Variants in SCAI observed in about 807,000 individuals in gnomAD.
SCAI encodes protein SCAI.
In SCAI, 24 loss-of-function variants were observed where a neutral mutation model predicts 92.2. The observed-to-expected ratio is 0.26, with a 90% CI of 0.19 to 0.37. The LOEUF is 0.37. Ranked by LOEUF, SCAI falls within the 10% of genes least tolerant of loss-of-function variation. The pLI is 1.00. For missense variants in SCAI, 450 were observed against 736.2 expected (o/e 0.61, Z 4.50); for synonymous variants, 261 against 258.6 (o/e 1.01, Z -0.09).
At chr9:124,991,790 T>A (rs921671205) in intron 14 of SCAI, among the ~76,000 whole-genome samples, 2 of 151,986 alleles carry the variant, frequency 1.3e-5, no homozygotes, top group Non-Finnish European at 1.5e-5. Context: ...TGAGCCAAGA[T>A]TGCACCACTG....
intron 17 of SCAI, among the ~76,000 whole-genome samples, chr9:124,958,840 G>C (rs1831374004): frequency 6.6e-6 from 1 of 150,724 alleles, no homozygotes; most frequent in African/African-American, 2.4e-5. Context: ...CCGGGAGGCA[G>C]AGGTTGCAGT....
intron 2 of SCAI, among the ~76,000 whole-genome samples, chr9:125,138,156 G>A (rs1042591435): frequency 1.3e-5 from 2 of 152,058 alleles, no homozygotes; most frequent in Admixed American, 1.3e-4. Flanking sequence ...ATATTTGATG[G>A]GTGTTTTTTA....
intron 15 of SCAI, among the ~76,000 whole-genome samples, 165 bp from the exon 16 acceptor site, chr9:124,972,009 T>A (rs1044679084): frequency 1.3e-5 from 2 of 152,234 alleles, no homozygotes; most frequent in Non-Finnish European, 2.9e-5. Flanking sequence ...AACTTTGCTA[T>A]GTTGCTTTCT....
At chr9:125,041,930 C>A (rs1172441958) in intron 3 of SCAI, among the ~76,000 whole-genome samples, 2 of 152,058 alleles carry the variant, frequency 1.3e-5, no homozygotes, top group Non-Finnish European at 2.9e-5. Flanking sequence ...AATATACGAA[C>A]CACTATATGA....
intron 2 of SCAI, among the ~76,000 whole-genome samples, chr9:125,058,680 T>C (rs187288935): frequency 2.0e-5 from 3 of 152,216 alleles, no homozygotes; most frequent in African/African-American, 7.2e-5. Flanking sequence ...CCCTCCCCAG[T>C]GGTATGAACG....
At chr9:125,021,771 T>A (rs1287549765) in intron 6 of SCAI, among the ~76,000 whole-genome samples, 2 of 152,176 alleles carry the variant, frequency 1.3e-5, no homozygotes, top group African/African-American at 4.8e-5. Context: ...GACAAACTTA[T>A]TGACTTTTTT....
chr9:125,003,070 G>T, intron 11 of SCAI, 44 bp downstream of exon 11: 1 of 1,233,766 alleles, frequency 8.1e-7, no homozygotes, highest in South Asian at 1.3e-5. Context: ...TTTTAGTTAG[G>T]GCACACTTTC....
At chr9:125,048,441 AC>A (rs1833491776) in intron 3 of SCAI, among the ~76,000 whole-genome samples, 1 of 152,228 alleles carries the variant, frequency 6.6e-6, no homozygotes, top group Non-Finnish European at 1.5e-5. Flanking sequence ...CTCTAAAATA[AC>A]ATGGTTATTT....
chr9:124,943,660 A>G lies in SCAI; in HGVS notation c.*9147T>C, dbSNP rs2131556864. 1 of 152,348 alleles carries G rather than the reference A, an allele frequency of 6.6e-6. No homozygotes were observed. The highest frequency in any genetic ancestry group is 1.9e-4 in the East Asian group (1 of 5,194). 9.4% of individuals were successfully genotyped at this position (152,348 alleles called of 1,614,324 possible). On this transcript the variant is annotated 3_prime_UTR_variant, in exon 18 of 18. Coordinates refer to ENST00000336505, the MANE Select transcript of SCAI (RefSeq NM_001144877.3). The stretch of plus-strand genomic sequence containing the variant: ...CAAATGAATTACTTCTATGATTTAA[A>G]CAAGTGCATTTCTGCCTAATAATCA...
chr9:125,135,799 A>G (rs1314448911), intron 2 of SCAI, among the ~76,000 whole-genome samples: 1 of 151,828 alleles, frequency 6.6e-6, no homozygotes. Context: ...GAGAAACCCC[A>G]TCTCTACTAA....
At chr9:125,108,141 T>C (rs996550200) in intron 2 of SCAI, among the ~76,000 whole-genome samples, 2 of 152,284 alleles carry the variant, frequency 1.3e-5, no homozygotes, top group Non-Finnish European at 2.9e-5. Flanking sequence ...GTGCTCAATG[T>C]TGCCCAGGCT....
chr9:125,009,986 A>T (rs1564377017), intron 9 of SCAI, among the ~76,000 whole-genome samples: 3 of 152,204 alleles, frequency 2.0e-5, no homozygotes, highest in South Asian at 4.1e-4. Context: ...CGAGGTCAGG[A>T]GACCAAGACC....
intron 3 of SCAI, among the ~76,000 whole-genome samples, chr9:125,043,541 G>A (rs1215317113): frequency 6.6e-6 from 1 of 152,094 alleles, no homozygotes; most frequent in Non-Finnish European, 1.5e-5. Context: ...GCTCACTGCA[G>A]CCTCAAACTC....
chr9:125,019,724 G>A (rs554366866), intron 7 of SCAI, among the ~76,000 whole-genome samples: 1 of 152,076 alleles, frequency 6.6e-6, no homozygotes, highest in Non-Finnish European at 1.5e-5. Context: ...TGGTAACTGG[G>A]TATAAAGGAA....
chr9:124,957,070 T>A (rs1831327513), intron 17 of SCAI, among the ~76,000 whole-genome samples: 1 of 151,212 alleles, frequency 6.6e-6, no homozygotes, highest in Non-Finnish European at 1.5e-5. Flanking sequence ...TGACTCAGGG[T>A]AGCCTTGACC....
At chr9:125,100,904 T>C (rs1834664223) in intron 2 of SCAI, among the ~76,000 whole-genome samples, 3 of 152,138 alleles carry the variant, frequency 2.0e-5, no homozygotes, top group South Asian at 2.1e-4. Flanking sequence ...CCTGATGTGT[T>C]TGAGCAACAG....
At chr9:125,077,999 C>T (rs562339344) in intron 2 of SCAI, among the ~76,000 whole-genome samples, 4 of 151,592 alleles carry the variant, frequency 2.6e-5, no homozygotes, top group South Asian at 4.3e-4. Flanking sequence ...GGATTACAGG[C>T]GTAAGCCACC....
At position 125,119,413 on chromosome 9, in the gene SCAI, T is replaced by C. The variant is rs533948757; in HGVS notation, c.98+23220A>G. On this transcript the variant is annotated intron_variant, in intron 2 of 17. Transcript: ENST00000336505. ...GCAATATTGTTGTCCAATATTTGAT[T>C]TCTTGTTTTGTACTGCTCTTTAGTT... Among the ~76,000 whole-genome samples, 620 of 152,328 alleles carry C rather than the reference T, an allele frequency of 4.1e-3. 3 individuals carry two copies. Among genetic ancestry groups the C allele is most frequent in the Middle Eastern group, 6.8e-3 (2 of 294 alleles).
intron 2 of SCAI, among the ~76,000 whole-genome samples, chr9:125,086,427 G>A (rs1444974097): frequency 2.6e-5 from 4 of 152,272 alleles, no homozygotes; most frequent in African/African-American, 9.6e-5. Context: ...TCCAAATGCT[G>A]GGAAACCTCA....
Sources: gnomAD v4.1 joint callset for allele counts (sites outside exome capture counted in the v4.1 genomes callset) on GRCh38, gnomAD v4.1.1 for gene constraint, MANE v1.5 for transcripts, NCBI Gene and HGNC (gene_info 2026-07-23, HGNC 2026-07-21) for gene names.